DYNC1I1: variants seen among roughly 807,000 people sequenced by gnomAD.
The protein encoded by DYNC1I1 is cytoplasmic dynein 1 intermediate chain 1.
DYNC1I1 carries 43 observed loss-of-function variants against 86.6 expected under a neutral mutation model. That is an observed-to-expected ratio of 0.50 (90% CI 0.39 to 0.64). The LOEUF is 0.64. DYNC1I1 is among the 30% of genes least tolerant of loss of function. The pLI is 0.00. For synonymous variants in DYNC1I1, 262 were observed against 283.7 expected (o/e 0.92, Z 0.77); for missense variants, 604 against 788.8 (o/e 0.77, Z 2.81).
chr7:95,821,889 A>C (rs1795084215), intron 4 of DYNC1I1, among the ~76,000 whole-genome samples: 1 of 152,256 alleles, frequency 6.6e-6, no homozygotes, highest in Admixed American at 6.5e-5. Flanking sequence ...ATTATAAATG[A>C]GAAATTTGTT....
intron 6 of DYNC1I1, among the ~76,000 whole-genome samples, chr7:95,890,727 G>A (rs1035019154): frequency 5.3e-5 from 8 of 152,164 alleles, no homozygotes; most frequent in Non-Finnish European, 1.0e-4. Flanking sequence ...TAAAAATTAG[G>A]TTGCTCAGCC....
intron 3 of DYNC1I1, among the ~76,000 whole-genome samples, chr7:95,812,039 G>A (rs1314604936): frequency 5.3e-5 from 8 of 152,020 alleles, no homozygotes; most frequent in African/African-American, 1.7e-4. Flanking sequence ...CAAGGGCCCT[G>A]TTTTCATTTT....
chr7:95,854,651 A>G (rs1789668974), intron 5 of DYNC1I1, among the ~76,000 whole-genome samples: 2 of 152,252 alleles, frequency 1.3e-5, no homozygotes, highest in East Asian at 1.9e-4. Context: ...TTAGTTTCAG[A>G]TGTTTTTGTG....
At chr7:95,845,198 G>C (rs1008455463) in intron 5 of DYNC1I1, among the ~76,000 whole-genome samples, 1 of 152,200 alleles carries the variant, frequency 6.6e-6, no homozygotes, top group Non-Finnish European at 1.5e-5. Flanking sequence ...CTGAAAGAGA[G>C]AATGTGTATT....
At chr7:95,858,169 G>C (rs1789775911) in intron 5 of DYNC1I1, among the ~76,000 whole-genome samples, 1 of 152,194 alleles carries the variant, frequency 6.6e-6, no homozygotes, top group Non-Finnish European at 1.5e-5. Flanking sequence ...GGCCTGACTA[G>C]TGAGCAATAG....
intron 5 of DYNC1I1, among the ~76,000 whole-genome samples, chr7:95,831,842 T>C (rs1043149465): frequency 2.6e-5 from 4 of 151,824 alleles, no homozygotes; most frequent in Non-Finnish European, 5.9e-5. Flanking sequence ...ATCAGGTAAT[T>C]TGTAATTTTG....
intron 6 of DYNC1I1, among the ~76,000 whole-genome samples, chr7:95,908,427 A>C (rs901655003): frequency 3.3e-5 from 5 of 152,228 alleles, no homozygotes; most frequent in African/African-American, 1.2e-4. Context: ...TGAGACCATG[A>C]AAAGAGTTTT....
intron 6 of DYNC1I1, among the ~76,000 whole-genome samples, chr7:95,958,483 C>T (rs1320278106): frequency 6.6e-6 from 1 of 151,822 alleles, no homozygotes; most frequent in Admixed American, 6.6e-5. Context: ...ATGGCTTGAG[C>T]CCAGGAGATC....
At chr7:95,831,146 T>G (rs772408610) in intron 5 of DYNC1I1, among the ~76,000 whole-genome samples, 1 of 152,190 alleles carries the variant, frequency 6.6e-6, no homozygotes, top group African/African-American at 2.4e-5. Flanking sequence ...TATAATTTAT[T>G]AATATTTTCT....
chr7:96,081,779 CAT>C (rs1201710645), intron 16 of DYNC1I1, among the ~76,000 whole-genome samples: 1 of 152,112 alleles, frequency 6.6e-6, no homozygotes, highest in Non-Finnish European at 1.5e-5. Flanking sequence ...CTTTTGATGA[CAT>C]ATTATATACT....
intron 1 of DYNC1I1, among the ~76,000 whole-genome samples, chr7:95,789,930 A>G (rs998296633): frequency 5.9e-5 from 9 of 152,244 alleles, no homozygotes; most frequent in Non-Finnish European, 1.0e-4. Context: ...TGTGCAGTAC[A>G]TTCTAATAAT....
intron 14 of DYNC1I1, among the ~76,000 whole-genome samples, chr7:96,045,058 A>G (rs1304468344): frequency 6.6e-6 from 1 of 152,184 alleles, no homozygotes; most frequent in Non-Finnish European, 1.5e-5. Context: ...AGATATGGAC[A>G]AGAAAGCTTC....
intron 1 of DYNC1I1, among the ~76,000 whole-genome samples, chr7:95,793,683 G>C (rs1346689760): frequency 6.6e-6 from 1 of 152,182 alleles, no homozygotes; most frequent in Non-Finnish European, 1.5e-5. Context: ...TAACCAATTG[G>C]ATGTGTGAGA....
At chr7:95,905,873 C>T (rs1339108779) in intron 6 of DYNC1I1, among the ~76,000 whole-genome samples, 1 of 152,102 alleles carries the variant, frequency 6.6e-6, no homozygotes, top group African/African-American at 2.4e-5. Flanking sequence ...ACTTTGTAGT[C>T]TTTATAGTCA....
At chr7:96,020,054 G>A (rs1489183339) in intron 10 of DYNC1I1, among the ~76,000 whole-genome samples, 1 of 146,072 alleles carries the variant, frequency 6.8e-6, no homozygotes, top group Non-Finnish European at 1.5e-5. Flanking sequence ...ATAAGGCTTA[G>A]ATACCTCATA....
At chr7:96,010,733 C>A (rs1794255856) in intron 10 of DYNC1I1, among the ~76,000 whole-genome samples, 1 of 152,174 alleles carries the variant, frequency 6.6e-6, no homozygotes, top group Non-Finnish European at 1.5e-5. Context: ...GAAAGCCTTA[C>A]CTTTGCATAC....
chr7:96,068,815 T>C (rs749172412), intron 14 of DYNC1I1, among the ~76,000 whole-genome samples: 29 of 149,942 alleles, frequency 1.9e-4, no homozygotes, highest in Non-Finnish European at 3.7e-4. Flanking sequence ...GTATATTTAA[T>C]TTATTTATAT....
chr7:96,108,894 A>G (rs2116358289), intron 16 of DYNC1I1, among the ~76,000 whole-genome samples: 1 of 151,978 alleles, frequency 6.6e-6, no homozygotes, highest in East Asian at 1.9e-4. Flanking sequence ...TAAGCTAAGA[A>G]TTCAAGTAGT....
intron 9 of DYNC1I1, among the ~76,000 whole-genome samples, chr7:95,995,108 G>A (rs577296782): frequency 4.5e-4 from 68 of 152,096 alleles, no homozygotes; most frequent in East Asian, 2.3e-3. Flanking sequence ...TTAGCCAGGC[G>A]TGGTGGCCGG....
Sources: gnomAD v4.1 joint callset for allele counts (sites outside exome capture counted in the v4.1 genomes callset) on GRCh38, gnomAD v4.1.1 for gene constraint, MANE v1.5 for transcripts, NCBI Gene and HGNC (gene_info 2026-07-23, HGNC 2026-07-21) for gene names.